The following RAB44 variants were observed in gnomAD, a reference collection of about 807,000 sequenced individuals.
The protein encoded by RAB44 is RAB44, member RAS oncogene family.
Under a neutral mutation model 93.3 loss-of-function variants are expected in RAB44, and 67 were observed. The ratio of observed to expected loss-of-function variants is 0.72; its 90% confidence interval spans 0.59 to 0.88. The LOEUF (loss-of-function observed/expected upper bound fraction) is 0.88, where lower values mean the gene tolerates loss of function less well. Ranked by LOEUF, RAB44 falls within the 40% of genes least tolerant of loss-of-function variation. The pLI, the probability that RAB44 is intolerant of heterozygous loss-of-function variation, is 0.00. For synonymous variants in RAB44, 427 were observed against 520.3 expected (o/e 0.82, Z 2.44); for missense variants, 1,064 against 1,261.7 (o/e 0.84, Z 2.37).
chr6:36,716,424 C>T (rs1014806140), intron 4 of RAB44, among the ~76,000 whole-genome samples: 18 of 149,284 alleles, frequency 1.2e-4, no homozygotes, highest in Admixed American at 2.0e-4. Flanking sequence ...GAGCTGAGAT[C>T]GCGCCACTGC....
intron 2 of RAB44, among the ~76,000 whole-genome samples, chr6:36,711,134 T>A (rs1397483628): frequency 3.9e-5 from 6 of 152,216 alleles, no homozygotes; most frequent in Non-Finnish European, 8.8e-5. Flanking sequence ...TAATTCAAAA[T>A]TTTAAAGTTA....
At chr6:36,702,867 A>C (rs1018974117) in intron 1 of RAB44, among the ~76,000 whole-genome samples, 2 of 152,216 alleles carry the variant, frequency 1.3e-5, no homozygotes, top group Non-Finnish European at 2.9e-5. Context: ...CTGAACTAAG[A>C]CATTCAGTGA....
At chr6:36,726,464 C>T (rs950491560) in intron 10 of RAB44, among the ~76,000 whole-genome samples, 2 of 152,030 alleles carry the variant, frequency 1.3e-5, no homozygotes, top group Admixed American at 6.5e-5. Flanking sequence ...AGGCTGGTCT[C>T]GAACTCCTGA....
chr6:36,702,339 A>C (rs1762533245), intron 1 of RAB44, among the ~76,000 whole-genome samples: 1 of 32,082 alleles, frequency 3.1e-5, no homozygotes, highest in Non-Finnish European at 6.8e-5. Flanking sequence ...AGAGAGAGAG[A>C]ATGTACTTCT....
intron 3 of RAB44, among the ~76,000 whole-genome samples, chr6:36,714,991 A>G (rs1316661095): frequency 6.6e-6 from 1 of 151,844 alleles, no homozygotes; most frequent in African/African-American, 2.4e-5. Flanking sequence ...TCTCAGTTCC[A>G]ATGTCACCTC....
intron 8 of RAB44, 68 bp from the exon 9 acceptor site, chr6:36,721,083 C>T (rs941124041): frequency 8.2e-7 from 1 of 1,220,852 alleles, no homozygotes; most frequent in Admixed American, 4.2e-5. Flanking sequence ...GTGAGGGCTG[C>T]AGGTGGGATG....
intron 2 of RAB44, among the ~76,000 whole-genome samples, chr6:36,708,125 T>C (rs1762694438): frequency 6.6e-6 from 1 of 151,834 alleles, no homozygotes; most frequent in Non-Finnish European, 1.5e-5. Context: ...GGTGGGAAGA[T>C]TGCTTGAGCC....
Position 36,731,849 on chromosome 6 carries a change from C to G in RAB44, c.2976-154C>G, listed in dbSNP as rs992609697. Among the ~76,000 whole-genome samples the G allele has an allele frequency of 4.6e-5, 7 of 152,212 alleles. No individual in the cohort carries two copies. In the East Asian group the frequency reaches 1.3e-3, roughly 29 times the overall value. On this transcript the variant is annotated intron_variant, in intron 13 of 13. Transcript: ENST00000612677. The surrounding 1 kb of genome is among the most constrained non-coding windows in gnomAD (Gnocchi z 4.0). ...AGAGAAGGTCAAAGTCTCAGTGACT[C>G]AATTCTTCGGGTCTCATGTGGAATG...
intron 1 of RAB44, among the ~76,000 whole-genome samples, chr6:36,700,646 C>G (rs576097139): frequency 1.3e-5 from 2 of 152,096 alleles, no homozygotes; most frequent in African/African-American, 2.4e-5. Flanking sequence ...CTATGTTGCC[C>G]AGGCTGGTCC....
intron 9 of RAB44, among the ~76,000 whole-genome samples, 174 bp downstream of exon 9, chr6:36,722,907 C>T (rs764104446): frequency 1.7e-4 from 26 of 152,244 alleles, no homozygotes; most frequent in Non-Finnish European, 3.5e-4. Context: ...TTTCACTAAT[C>T]GTCTCTAATT....
In RAB44 at chr6:36,721,996, T is replaced by C; in HGVS notation, c.1862T>C (p.Leu621Pro). The C allele has an allele frequency of 2.4e-6, 3 of 1,234,528 alleles. No individual in the cohort carries two copies. Among genetic ancestry groups the C allele is most frequent in the South Asian group, 8.2e-5 (2 of 24,404 alleles). 76.5% of individuals were successfully genotyped at this position (1,234,528 alleles called of 1,614,324 possible). A position where few individuals can be genotyped will look rare whatever the true frequency, so the allele number is the denominator to read the frequency against. Residue 621 changes from leucine to proline, a missense_variant, in exon 9 of 14, where the codon CTG (leucine) becomes CCG (proline). Leu to Pro is a moderately conservative substitution (Grantham distance 98, BLOSUM62 -3). Transcript: ENST00000612677. The part of the protein sequence containing the change: ...TLGPAEPFQG[L>P]EFVGPVPTER... ...GGGCCAGCTGAGCCCTTCCAGGGCC[T>C]GGAATTTGTGGGTCCGGTGCCCACA...
chr6:36,710,502 A>G (rs563821300), intron 2 of RAB44, among the ~76,000 whole-genome samples: 2 of 151,866 alleles, frequency 1.3e-5, no homozygotes, highest in South Asian at 4.2e-4. Context: ...TGCTATGAAT[A>G]TGGGCATACA....
At position 36,731,445 on chromosome 6, in the gene RAB44, T is replaced by G. The variant is rs1395001773; in HGVS notation, c.2976-558T>G. 3.3e-5 allele frequency among the ~76,000 whole-genome samples: 5 copies of G among 152,168 alleles called. No homozygotes were observed. Among genetic ancestry groups the G allele is most frequent in the African/African-American group, 9.7e-5 (4 of 41,414 alleles). On this transcript the variant is annotated intron_variant, in intron 13 of 13. Transcript: ENST00000612677. The surrounding 1 kb of genome is among the most constrained non-coding windows in gnomAD (Gnocchi z 4.0). ...GTGCTCCATAAATGAATAAAATGAG[T>G]AAGGCATGAGGGGAGCTAGATCAGA...
At chr6:36,700,636 C>A (rs1011253418) in intron 1 of RAB44, among the ~76,000 whole-genome samples, 3 of 151,938 alleles carry the variant, frequency 2.0e-5, no homozygotes, top group African/African-American at 7.3e-5. Context: ...CAGGGTCTCG[C>A]TATGTTGCCC....
chr6:36,698,631 A>AG (rs1461934161), intron 1 of RAB44, among the ~76,000 whole-genome samples: 2 of 152,070 alleles, frequency 1.3e-5, no homozygotes, highest in Non-Finnish European at 2.9e-5. Flanking sequence ...CTAGCCATGA[A>AG]GGGGTCCCCC....
At position 36,712,428 on chromosome 6, in the gene RAB44, G is replaced by A. The variant is rs577904497; in HGVS notation, c.208-1400G>A. On this transcript the variant is annotated intron_variant, in intron 2 of 13. Coordinates refer to ENST00000612677, the MANE Select transcript of RAB44 (RefSeq NM_001257357.2). ...TGCCCAGGCTAGAGTGCAGTGGTGC[G>A]ATCTCGGCTCACTGCAACCTCCTTC... 6.6e-5 allele frequency among the ~76,000 whole-genome samples: 10 copies of A among 152,206 alleles called. No homozygotes were observed. The East Asian group carries it at 1.5e-3, about 24-fold the overall frequency.
chr6:36,730,669 G>A lies in RAB44; in HGVS notation c.2899-4G>A. On this transcript the variant is annotated splice_polypyrimidine_tract_variant and splice_region_variant and intron_variant, in intron 12 of 13. Transcript: ENST00000612677. The stretch of plus-strand genomic sequence containing the variant: ...ACATATGTCCCTCCCTGTCTGGCCT[G>A]CAGGAACTGGGGGTCTATTTTGGGG... 1.6e-6 allele frequency: 2 copies of A among 1,234,062 alleles called. No homozygotes were observed. The highest frequency in any genetic ancestry group is 8.2e-5 in the South Asian group (2 of 24,400). 76.4% of individuals were successfully genotyped at this position (1,234,062 alleles called of 1,614,324 possible). A position where few individuals can be genotyped will look rare whatever the true frequency, so the allele number is the denominator to read the frequency against.
Position 36,718,060 on chromosome 6 carries a change from A to G in RAB44, c.674A>G (p.Gln225Arg). Residue 225 changes from glutamine to arginine, a missense_variant, in exon 6 of 14, where the codon CAG (glutamine) becomes CGG (arginine). Physicochemically the swap from Gln to Arg is conservative, Grantham distance 43. Transcript: ENST00000612677. ...TCTGACCACCACCGCGAGGTCCAGC[A>G]GCTCTATGAGGAGATGGAGCAGCAG... is the stretch of plus-strand genomic sequence containing the variant. ...RDSDHHREVQ[Q>R]LYEEMEQQIR... is the part of the protein sequence containing the mutation. 1 of 1,232,142 alleles carries G rather than the reference A, an allele frequency of 8.1e-7. No homozygotes were observed. Among genetic ancestry groups the G allele is most frequent in the Non-Finnish European group, 1.0e-6 (1 of 988,004 alleles). 76.3% of individuals were successfully genotyped at this position (1,232,142 alleles called of 1,614,324 possible). A position where few individuals can be genotyped will look rare whatever the true frequency, so the allele number is the denominator to read the frequency against.
chr6:36,706,544 AT>A (rs1416509144), intron 2 of RAB44, among the ~76,000 whole-genome samples: 4 of 152,176 alleles, frequency 2.6e-5, no homozygotes, highest in Non-Finnish European at 5.9e-5. Flanking sequence ...CTCCATGAGC[AT>A]TCCTTATAGT....
Sources: allele counts gnomAD v4.1 joint callset (sites outside exome capture counted in the v4.1 genomes callset), GRCh38; gene constraint gnomAD v4.1.1; non-coding constraint Gnocchi (gnomAD v3.1); transcripts MANE v1.5; gene names NCBI Gene and HGNC (gene_info 2026-07-23, HGNC 2026-07-21).